HLA-DPB1: variants seen among roughly 807,000 people sequenced by gnomAD.
HLA-DPB1 encodes HLA class II histocompatibility antigen, DP beta 1 chain.
In HLA-DPB1, 30 loss-of-function variants were observed where a neutral mutation model predicts 29.4. That is an observed-to-expected ratio of 1.02 (90% confidence interval 0.76 to 1.38). The LOEUF is 1.38. HLA-DPB1 is among the 40% of genes most tolerant of loss of function. The pLI, the probability that HLA-DPB1 is intolerant of heterozygous loss-of-function variation, is 0.00. For synonymous variants in HLA-DPB1, 114 were observed against 134.0 expected, an observed-to-expected ratio of 0.85 and a Z score of 1.03; for missense variants, 261 against 327.5, an observed-to-expected ratio of 0.80 and a Z score of 1.57.
chr6:33,086,503 T>C (rs9277516), intron 5 of HLA-DPB1, 36 bp from the exon 6 acceptor site: 150,981 of 602,964 alleles, frequency 0.25, 30,689 homozygotes, highest in East Asian at 0.54. Context: ...GGAAGGAGGC[T>C]GGCAACCTGG....
rs1276861880 is a variant in HLA-DPB1 at position 33,080,481 on chromosome 6, G to T, written c.101-191G>T. ...TTTCAGTAAATTCTCTCTCTGCGTG[G>T]TGAGAAAACAGGCCTGGAGAGGCTC... On this transcript the variant is annotated intron_variant, in intron 1 of 5. Coordinates refer to ENST00000418931, the MANE Select transcript of HLA-DPB1 (RefSeq NM_002121.6). This position sits in a 1 kb window ranked among gnomAD's most constrained non-coding sequence, Gnocchi z 4.3. The T allele has an allele frequency of 1.3e-6, 1 of 785,474 alleles. No individual in the cohort carries two copies. The highest frequency in any genetic ancestry group is 1.5e-5 in the South Asian group (1 of 68,074). The allele number at this position is 785,474 out of a possible 1,614,324, so 48.7% of individuals were successfully genotyped here. A position where few individuals can be genotyped will look rare whatever the true frequency, so the allele number is the denominator to read the frequency against.
intron 2 of HLA-DPB1, among the ~76,000 whole-genome samples, chr6:33,084,533 C>T (rs1763008953): frequency 6.6e-6 from 1 of 152,000 alleles, no homozygotes; most frequent in South Asian, 2.1e-4. Context: ...GCCCGTAATC[C>T]CAGCCCTTTG....
intron 2 of HLA-DPB1, among the ~76,000 whole-genome samples, chr6:33,081,747 A>G (rs1762878337): frequency 6.6e-6 from 1 of 152,094 alleles, no homozygotes; most frequent in African/African-American, 2.4e-5. Flanking sequence ...GATGGATTTT[A>G]CTTGTCTTGG....
intron 5 of HLA-DPB1, 135 bp downstream of exon 5, chr6:33,086,377 G>C: frequency 1.2e-6 from 1 of 804,274 alleles, no homozygotes; most frequent in Non-Finnish European, 2.2e-6. Context: ...CAGCCTTCAG[G>C]CAAGTGGGGA....
chr6:33,081,178 G>A (rs530601631), intron 2 of HLA-DPB1: 2 of 529,200 alleles, frequency 3.8e-6, no homozygotes, highest in East Asian at 3.0e-5. Context: ...CATCAGGCCT[G>A]GCAGCTGACT....
In HLA-DPB1 at chr6:33,080,798, C is replaced by A. The variant is rs147611944; in HGVS notation, c.227C>A (p.Ala76Glu). 1.9e-6 allele frequency: 3 copies of A among 1,613,352 alleles called. No homozygotes were observed. Among genetic ancestry groups the A allele is most frequent in the African/African-American group, 1.3e-5 (1 of 74,870 alleles). ...GACAGCGACGTGGGGGAGTTCCGGG[C>A]GGTGACGGAGCTGGGGCGGCCTGCT... is the stretch of plus-strand genomic sequence containing the variant. ...RFDSDVGEFRAVTELGRPAAE... is the reference protein window; with the variant it reads ...RFDSDVGEFREVTELGRPAAE... The change falls in exon 2 of 6, where the codon GCG becomes GAG. Residue 76 changes from alanine (A) to glutamate (E), a missense_variant. Transcript: ENST00000418931. This position sits in a 1 kb window ranked among gnomAD's most constrained non-coding sequence, Gnocchi z 4.3.
chr6:33,086,633 A>C lies in HLA-DPB1; in HGVS notation c.*99A>C, dbSNP rs1042508. 0.19 allele frequency: 83,164 copies of C among 435,524 alleles called. 17,252 individuals carry two copies. Among genetic ancestry groups the C allele is most frequent in the African/African-American group, 0.52 (24,036 of 46,142 alleles). The allele number at this position is 435,524 out of a possible 1,614,324, so 27.0% of individuals were successfully genotyped here. A position where few individuals can be genotyped will look rare whatever the true frequency, so the allele number is the denominator to read the frequency against. On this transcript the variant is annotated 3_prime_UTR_variant, in exon 6 of 6. Coordinates refer to ENST00000418931, the MANE Select transcript of HLA-DPB1 (RefSeq NM_002121.6). ...GCTCCAGGACAGACCTTCAACTTCC[A>C]AATTGGATACTGCTGCCAAGAAGTT... is the stretch of plus-strand genomic sequence containing the variant.
intron 5 of HLA-DPB1, 121 bp downstream of exon 5, chr6:33,086,363 A>G: frequency 1.2e-6 from 1 of 852,642 alleles, no homozygotes. Context: ...CCCTCTTTCA[A>G]TGTCAGCCTT....
At position 33,080,740 on chromosome 6, in the gene HLA-DPB1, T is replaced by G. The variant is rs41553416; in HGVS notation, c.169T>G (p.Tyr57Asp). The G allele has an allele frequency of 6.8e-6, 11 of 1,611,706 alleles. No homozygotes were observed. The highest frequency in any genetic ancestry group is 1.7e-5 in the Admixed American group (1 of 59,856). ...FNGTQRFLER[Y>D]IYNREEFARF... ...TGGGACACAGCGCTTCCTGGAGAGA[T>G]ACATCTACAACCGGGAGGAGTTCGC... The change falls in exon 2 of 6, where the codon TAC becomes GAC. Residue 57 changes from tyrosine (Y) to aspartate (D), a missense_variant. Coordinates refer to ENST00000418931, the MANE Select transcript of HLA-DPB1 (RefSeq NM_002121.6). This position sits in a 1 kb window ranked among gnomAD's most constrained non-coding sequence, Gnocchi z 4.3.
In HLA-DPB1 at chr6:33,080,784, G is replaced by T. The variant is rs956589030; in HGVS notation, c.213G>T (p.Val71=). 8.1e-6 allele frequency: 13 copies of T among 1,613,476 alleles called. No homozygotes were observed. Among genetic ancestry groups the T allele is most frequent in the Non-Finnish European group, 1.1e-5 (13 of 1,179,720 alleles). The change falls in exon 2 of 6, where the codon GTG becomes GTT. Residue 71 remains valine, a synonymous_variant. Transcript: ENST00000418931. This position sits in a 1 kb window ranked among gnomAD's most constrained non-coding sequence, Gnocchi z 4.3. Reference sequence around the variant, plus strand: ...AGTTCGCGCGCTTCGACAGCGACGTGGGGGAGTTCCGGGCGGTGACGGAGC... The same window carrying T: ...AGTTCGCGCGCTTCGACAGCGACGTTGGGGAGTTCCGGGCGGTGACGGAGC... ...REEFARFDSD[V]GEFRAVTELG...
In HLA-DPB1 at chr6:33,076,067, C is replaced by A. The variant is rs779921780; in HGVS notation, c.26C>A (p.Ala9Asp). The change falls in exon 1 of 6, where the codon GCC (alanine) becomes GAC (aspartate). Residue 9 changes from alanine to aspartate, a missense_variant. Ala to Asp is a moderately radical substitution (Grantham distance 126, BLOSUM62 -2). Transcript: ENST00000418931. MMVLQVSA[A>D]PRTVALTALL... ...ATGATGGTTCTGCAGGTTTCTGCGG[C>A]CCCCCGGACAGTGGCTCTGACGGCG... 3.7e-6 allele frequency: 6 copies of A among 1,611,790 alleles called. No individual in the cohort carries two copies. Among genetic ancestry groups the A allele is most frequent in the Non-Finnish European group, 5.1e-6 (6 of 1,179,418 alleles).
At chr6:33,078,936 G>C (rs1461293033) in intron 1 of HLA-DPB1, among the ~76,000 whole-genome samples, 2 of 152,200 alleles carry the variant, frequency 1.3e-5, no homozygotes, top group African/African-American at 4.8e-5. Context: ...CTGGACTCAA[G>C]GAGCTGGGGG....
In HLA-DPB1 at chr6:33,080,741, A is replaced by G. The variant is rs765041810; in HGVS notation, c.170A>G (p.Tyr57Cys). The change falls in exon 2 of 6, where the codon TAC becomes TGC. Residue 57 changes from tyrosine (Y) to cysteine (C), a missense_variant. By Grantham distance (194) the Tyr-to-Cys change is radical. Coordinates refer to ENST00000418931, the MANE Select transcript of HLA-DPB1 (RefSeq NM_002121.6). The surrounding 1 kb of genome is among the most constrained non-coding windows in gnomAD (Gnocchi z 4.3). The stretch of plus-strand genomic sequence containing the variant: ...GGGACACAGCGCTTCCTGGAGAGAT[A>G]CATCTACAACCGGGAGGAGTTCGCG... ...FNGTQRFLER[Y>C]IYNREEFARF... The G allele has an allele frequency of 1.2e-6, 2 of 1,613,416 alleles. No individual in the cohort carries two copies. The highest frequency in any genetic ancestry group is 1.1e-5 in the South Asian group (1 of 91,026).
Position 33,080,762 on chromosome 6 carries a change from T to A in HLA-DPB1, c.191T>A (p.Phe64Tyr), listed in dbSNP as rs1042117. 188,306 of 1,609,568 alleles carry A rather than the reference T, an allele frequency of 0.12. 15,631 individuals carry two copies. Among genetic ancestry groups the A allele is most frequent in the African/African-American group, 0.43 (32,086 of 74,512 alleles). ...AGATACATCTACAACCGGGAGGAGTTCGCGCGCTTCGACAGCGACGTGGGG... is the reference window on the plus strand; with the variant it reads ...AGATACATCTACAACCGGGAGGAGTACGCGCGCTTCGACAGCGACGTGGGG... ...LERYIYNREE[F>Y]ARFDSDVGEF... Residue 64 changes from phenylalanine to tyrosine, a missense_variant, in exon 2 of 6, where the codon TTC (phenylalanine) becomes TAC (tyrosine). Transcript: ENST00000418931. The surrounding 1 kb of genome is among the most constrained non-coding windows in gnomAD (Gnocchi z 4.3).
chr6:33,078,119 A>G (rs114364259), intron 1 of HLA-DPB1, among the ~76,000 whole-genome samples: 12,710 of 151,954 alleles, frequency 0.084, 555 homozygotes, highest in Middle Eastern at 0.17. Flanking sequence ...GGGAGCCACC[A>G]AGGAAACCCA....
rs1278659993 is a variant in HLA-DPB1 at position 33,080,468 on chromosome 6, C to A, written c.101-204C>A. 1 of 758,642 alleles carries A rather than the reference C, an allele frequency of 1.3e-6. No homozygotes were observed. Among genetic ancestry groups the A allele is most frequent in the African/African-American group, 1.7e-5 (1 of 57,702 alleles). The allele number at this position is 758,642 out of a possible 1,614,324, so 47.0% of individuals were successfully genotyped here. Reference sequence around the variant, plus strand: ...CTGAGCTCATTCTTTTCAGTAAATTCTCTCTCTGCGTGGTGAGAAAACAGG... The same window carrying A: ...CTGAGCTCATTCTTTTCAGTAAATTATCTCTCTGCGTGGTGAGAAAACAGG... On this transcript the variant is annotated intron_variant, in intron 1 of 5. Coordinates refer to ENST00000418931, the MANE Select transcript of HLA-DPB1 (RefSeq NM_002121.6). The surrounding 1 kb of genome is among the most constrained non-coding windows in gnomAD (Gnocchi z 4.3).
Position 33,081,191 on chromosome 6 carries a change from A to G in HLA-DPB1, c.364+256A>G, listed in dbSNP as rs112250983. ...TTCATCAGGCCTGGCAGCTGACTGC[A>G]TGTGGGGTGAAAAAAGGAAGCCACA... is the stretch of plus-strand genomic sequence containing the variant. On this transcript the variant is annotated intron_variant, in intron 2 of 5. Coordinates refer to ENST00000418931, the MANE Select transcript of HLA-DPB1 (RefSeq NM_002121.6). 3,870 of 507,802 alleles carry G rather than the reference A, an allele frequency of 7.6e-3. 93 individuals carry two copies. Among genetic ancestry groups the G allele is most frequent in the African/African-American group, 0.065 (2,923 of 45,282 alleles). The allele number at this position is 507,802 out of a possible 1,614,324, so 31.5% of individuals were successfully genotyped here.
At chr6:33,085,992 G>A (rs1763080610) in intron 4 of HLA-DPB1, 103 bp downstream of exon 4, 3 of 831,482 alleles carry the variant, frequency 3.6e-6, no homozygotes, top group Middle Eastern at 2.3e-4. Flanking sequence ...GAAAGCTCTA[G>A]AGGCCACTGA....
chr6:33,085,953 ATGAGGGGTT>A (rs755097871), intron 4 of HLA-DPB1, 64 bp downstream of exon 4: 1 of 1,087,034 alleles, frequency 9.2e-7, no homozygotes, highest in South Asian at 1.4e-5. Flanking sequence ...TTATTCCACG[ATGAGGGGTT>A]TGACAGAAAA....
Sources: allele counts gnomAD v4.1 joint callset (sites outside exome capture counted in the v4.1 genomes callset), GRCh38; gene constraint gnomAD v4.1.1; non-coding constraint Gnocchi (gnomAD v3.1); transcripts MANE v1.5; gene names NCBI Gene and HGNC (gene_info 2026-07-23, HGNC 2026-07-21).